The following GRIK2 variants were observed in gnomAD, a reference collection of about 807,000 sequenced individuals.
GRIK2 encodes glutamate ionotropic receptor kainate type subunit 2.
Under a neutral mutation model 100.3 loss-of-function variants are expected in GRIK2, and 32 were observed. The ratio of observed to expected loss-of-function variants is 0.32; its 90% CI spans 0.24 to 0.43. GRIK2 has a LOEUF of 0.43. Among genes scored for constraint, GRIK2 ranks in the 20% least tolerant of loss-of-function variants. The probability of loss-of-function intolerance (pLI) is 1.00; values close to 1 mark genes in which losing one functional copy is unlikely to be tolerated. For missense variants in GRIK2, 843 were observed against 1,114.9 expected, an observed-to-expected ratio of 0.76 and a Z score of 3.47; for synonymous variants, 417 against 389.4, an observed-to-expected ratio of 1.07 and a Z score of -0.83.
intron 2 of GRIK2, among the ~76,000 whole-genome samples, chr6:101,617,926 T>A (rs1241283394): frequency 2.6e-5 from 4 of 151,506 alleles, no homozygotes; most frequent in Non-Finnish European, 5.9e-5. Context: ...AAAGAAAATG[T>A]CATATATATA....
chr6:101,719,284 A>G (rs1774303360), intron 7 of GRIK2, among the ~76,000 whole-genome samples: 1 of 151,184 alleles, frequency 6.6e-6, no homozygotes, highest in Admixed American at 6.6e-5. Context: ...CTGCAGGCCC[A>G]TTGGTTGCTG....
intron 4 of GRIK2, among the ~76,000 whole-genome samples, chr6:101,651,887 G>C (rs1259845463): frequency 6.6e-6 from 1 of 152,116 alleles, no homozygotes; most frequent in Admixed American, 6.6e-5. Context: ...TCACAGAAGT[G>C]AGTATAAACA....
intron 7 of GRIK2, among the ~76,000 whole-genome samples, chr6:101,776,797 C>G (rs1778775158): frequency 6.6e-6 from 1 of 152,088 alleles, no homozygotes; most frequent in South Asian, 2.1e-4. Flanking sequence ...GTGTAGGGAT[C>G]AGGTTATTAT....
chr6:101,879,308 A>G (rs1786082553), intron 11 of GRIK2, among the ~76,000 whole-genome samples: 1 of 152,072 alleles, frequency 6.6e-6, no homozygotes, highest in Non-Finnish European at 1.5e-5. Flanking sequence ...TGGTTTCTCT[A>G]GAACCCAGAA....
At chr6:101,595,696 ATATG>A (rs1370808840) in intron 2 of GRIK2, among the ~76,000 whole-genome samples, 6 of 92,156 alleles carry the variant, frequency 6.5e-5, no homozygotes, top group Non-Finnish European at 1.3e-4. Flanking sequence ...ATGTATATAT[ATATG>A]TGTGTGTGTG....
intron 7 of GRIK2, among the ~76,000 whole-genome samples, chr6:101,717,533 G>C (rs1030356120): frequency 2.6e-5 from 4 of 151,748 alleles, no homozygotes; most frequent in African/African-American, 9.7e-5. Flanking sequence ...CCTTAGGAAA[G>C]AGTCACTTGT....
rs147266398 is a variant in GRIK2 at position 101,757,042 on chromosome 6, C to T, written c.952-42606C>T. On this transcript the variant is annotated intron_variant, in intron 7 of 16. Transcript: ENST00000369134. ...TAAAAACTCTAGTGGTTGAGATTCA[C>T]GTTCCAGAAAAATCTTGCTTTAAAT... is the stretch of plus-strand genomic sequence containing the variant. 8.5e-4 allele frequency among the ~76,000 whole-genome samples: 130 copies of T among 152,186 alleles called. 2 individuals are homozygous for T. In the East Asian group the frequency reaches 0.022, roughly 26 times the overall value.
At chr6:101,975,666 C>A (rs898043445) in intron 14 of GRIK2, among the ~76,000 whole-genome samples, 2 of 151,616 alleles carry the variant, frequency 1.3e-5, no homozygotes, top group Non-Finnish European at 2.9e-5. Flanking sequence ...TGGAAAAGGC[C>A]TAAGAGTGGA....
intron 14 of GRIK2, among the ~76,000 whole-genome samples, chr6:102,019,804 AT>A (rs1017202107): frequency 1.1e-4 from 16 of 152,074 alleles, no homozygotes; most frequent in South Asian, 1.0e-3. Flanking sequence ...ATCTTTATAT[AT>A]CCCTTTTTAA....
At chr6:101,585,958 T>A (rs1306449485) in intron 2 of GRIK2, among the ~76,000 whole-genome samples, 1 of 152,038 alleles carries the variant, frequency 6.6e-6, no homozygotes, top group Non-Finnish European at 1.5e-5. Context: ...AGGAAGTATA[T>A]TTTTAAATTA....
At chr6:101,858,087 C>T (rs1784524326) in intron 10 of GRIK2, among the ~76,000 whole-genome samples, 1 of 152,198 alleles carries the variant, frequency 6.6e-6, no homozygotes, top group South Asian at 2.1e-4. Flanking sequence ...AAAAGACTTT[C>T]AGGAAATTAC....
chr6:101,897,795 A>G (rs892843823), intron 12 of GRIK2, among the ~76,000 whole-genome samples: 4 of 151,900 alleles, frequency 2.6e-5, no homozygotes, highest in African/African-American at 7.2e-5. Context: ...CTGTGCTCAT[A>G]AAAAGGCAAT....
At chr6:101,871,638 CT>C (rs1463157440) in intron 11 of GRIK2, among the ~76,000 whole-genome samples, 1 of 151,832 alleles carries the variant, frequency 6.6e-6, no homozygotes, top group Non-Finnish European at 1.5e-5. Context: ...ATTTGGTTTT[CT>C]TTTTTGGCCA....
chr6:101,781,941 G>C (rs927075137), intron 7 of GRIK2, among the ~76,000 whole-genome samples: 1 of 151,902 alleles, frequency 6.6e-6, no homozygotes, highest in Admixed American at 6.6e-5. Context: ...CCCTCTCCTA[G>C]GTTTTGGACA....
intron 7 of GRIK2, chr6:101,744,587 T>C (rs1429785338): frequency 7.0e-6 from 1 of 142,154 alleles, no homozygotes; most frequent in Non-Finnish European, 1.5e-5. Flanking sequence ...TTTCTTTTTT[T>C]TTTTTTTTAA....
intron 15 of GRIK2, among the ~76,000 whole-genome samples, chr6:102,039,694 T>C (rs1170365492): frequency 1.3e-5 from 2 of 151,580 alleles, no homozygotes; most frequent in Non-Finnish European, 3.0e-5. Context: ...TGAGTGCATA[T>C]TGCACTTTGA....
intron 10 of GRIK2, among the ~76,000 whole-genome samples, chr6:101,821,770 A>G (rs1159486788): frequency 6.6e-6 from 1 of 152,094 alleles, no homozygotes; most frequent in Non-Finnish European, 1.5e-5. Context: ...GATGTAATTT[A>G]CTGGTATTCT....
chr6:101,910,268 TATTATA>T (rs1788581966), intron 12 of GRIK2, among the ~76,000 whole-genome samples: 1 of 151,274 alleles, frequency 6.6e-6, no homozygotes, highest in Admixed American at 6.6e-5. Flanking sequence ...CAAGTTAAAA[TATTATA>T]ATTAAACAGT....
chr6:101,465,414 C>A lies in GRIK2; in HGVS notation c.115+66022C>A, dbSNP rs75325212. Among the ~76,000 whole-genome samples the A allele has an allele frequency of 2.2e-3, 341 of 152,254 alleles. 1 individual carries two copies. Among genetic ancestry groups the A allele is most frequent in the African/African-American group, 7.7e-3 (320 of 41,538 alleles). ...TTTTTTCACTGGAGATAATGGCCTC[C>A]AGTCCCATCCATGTTGCTGCAAAAA... On this transcript the variant is annotated intron_variant, in intron 2 of 16. Coordinates refer to ENST00000369134, the MANE Select transcript of GRIK2 (RefSeq NM_021956.5).
Sources: gnomAD v4.1 joint callset for allele counts (sites outside exome capture counted in the v4.1 genomes callset) on GRCh38, gnomAD v4.1.1 for gene constraint, MANE v1.5 for transcripts, NCBI Gene and HGNC (gene_info 2026-07-23, HGNC 2026-07-21) for gene names.